Variants in CDH11 observed in about 807,000 individuals in gnomAD.
CDH11 encodes cadherin-11.
Under a neutral mutation model 67.8 loss-of-function variants are expected in CDH11, and 11 were observed. The ratio of observed to expected loss-of-function variants is 0.16; its 90% CI spans 0.10 to 0.27. The LOEUF (loss-of-function observed/expected upper bound fraction) is 0.27, where lower values mean the gene tolerates loss of function less well. Among genes scored for constraint, CDH11 ranks in the 10% least tolerant of loss-of-function variants. CDH11 has a pLI of 1.00. For missense variants in CDH11, 847 were observed against 1,031.2 expected (o/e 0.82, Z 2.45); for synonymous variants, 419 against 400.0 (o/e 1.05, Z -0.57).
chr16:65,085,079 T>A (rs1257017568), intron 1 of CDH11, among the ~76,000 whole-genome samples: 2 of 152,116 alleles, frequency 1.3e-5, no homozygotes, highest in Admixed American at 1.3e-4. Context: ...CTGGCTAATT[T>A]TTTGTAATTT....
rs183723641 is a variant in CDH11 at position 65,018,421 on chromosome 16, A to T, written c.-172-13380T>A. 2.2e-3 allele frequency among the ~76,000 whole-genome samples: 340 copies of T among 152,030 alleles called. 1 individual carries two copies. In the Middle Eastern group the frequency reaches 0.037, roughly 17 times the overall value. ...TTTTGTCTGGTTACAAAAAAATTTTAAAAAAAACAGACTCTCACTGCACTT... is the reference window on the plus strand; with the variant it reads ...TTTTGTCTGGTTACAAAAAAATTTTTAAAAAAACAGACTCTCACTGCACTT... On this transcript the variant is annotated intron_variant, in intron 2 of 12. Transcript: ENST00000268603.
At chr16:65,008,416 G>A (rs188903504) in intron 2 of CDH11, among the ~76,000 whole-genome samples, 9 of 152,236 alleles carry the variant, frequency 5.9e-5, no homozygotes, top group East Asian at 1.9e-4. Context: ...TCTTAGGTAT[G>A]TATAAGACTG....
intron 3 of CDH11, among the ~76,000 whole-genome samples, chr16:64,999,737 G>T (rs1003083081): frequency 6.6e-6 from 1 of 152,076 alleles, no homozygotes; most frequent in South Asian, 2.1e-4. Flanking sequence ...GTTTTACCAT[G>T]TTTCCCAGGC....
intron 1 of CDH11, among the ~76,000 whole-genome samples, chr16:65,113,879 T>C (rs187274958): frequency 9.9e-5 from 15 of 152,244 alleles, no homozygotes; most frequent in Non-Finnish European, 2.2e-4. Context: ...ATGAGGGCAT[T>C]GTGAGTAAAT....
intron 8 of CDH11, among the ~76,000 whole-genome samples, chr16:64,973,905 C>T (rs2072083580): frequency 1.3e-5 from 2 of 152,086 alleles, no homozygotes; most frequent in East Asian, 1.9e-4. Flanking sequence ...GCTCTGAGTT[C>T]CAGCGTGTAA....
intron 1 of CDH11, among the ~76,000 whole-genome samples, chr16:65,103,467 T>C (rs1021188223): frequency 6.6e-6 from 1 of 152,176 alleles, no homozygotes; most frequent in Non-Finnish European, 1.5e-5. Context: ...ATAAAATATG[T>C]TAAATCTGAA....
chr16:65,052,183 A>G (rs940624765), intron 2 of CDH11, among the ~76,000 whole-genome samples: 1 of 152,096 alleles, frequency 6.6e-6, no homozygotes, highest in African/African-American at 2.4e-5. Context: ...TTGCTTAGTA[A>G]GTACTTACTA....
At chr16:64,967,022 G>A (rs1006629909) in intron 11 of CDH11, among the ~76,000 whole-genome samples, 1 of 151,920 alleles carries the variant, frequency 6.6e-6, no homozygotes, top group Non-Finnish European at 1.5e-5. Context: ...GAAAGTAACT[G>A]GAACTTAAAA....
chr16:65,113,963 T>C (rs1296131720), intron 1 of CDH11, among the ~76,000 whole-genome samples: 4 of 152,170 alleles, frequency 2.6e-5, no homozygotes, highest in African/African-American at 9.7e-5. Context: ...AGGTTTTAAC[T>C]ATTATCAAAT....
At chr16:65,102,746 T>A (rs76872422) in intron 1 of CDH11, among the ~76,000 whole-genome samples, 1,744 of 152,256 alleles carry the variant, frequency 0.011, 36 homozygotes, top group African/African-American at 0.038. Flanking sequence ...CTGAAAGTCA[T>A]GATTATCCCT....
At chr16:64,988,554 A>G (rs577724877) in intron 6 of CDH11, among the ~76,000 whole-genome samples, 2 of 152,300 alleles carry the variant, frequency 1.3e-5, no homozygotes, top group South Asian at 2.1e-4. Context: ...TGATAAAACA[A>G]TATCTGGGTC....
chr16:64,981,392 C>A (rs1858362229), intron 8 of CDH11: 1 of 148,934 alleles, frequency 6.7e-6, no homozygotes, highest in African/African-American at 2.5e-5. Context: ...CAGATGTGAG[C>A]CACGGTGCCC....
chr16:65,078,425 A>G (rs901795305), intron 1 of CDH11, among the ~76,000 whole-genome samples: 1 of 152,176 alleles, frequency 6.6e-6, no homozygotes, highest in Non-Finnish European at 1.5e-5. Context: ...AAGCTTTAGA[A>G]TTAGCATCAG....
intron 1 of CDH11, among the ~76,000 whole-genome samples, chr16:65,059,000 T>A (rs1427845334): frequency 6.6e-6 from 1 of 152,242 alleles, no homozygotes; most frequent in African/African-American, 2.4e-5. Flanking sequence ...CTTTAATAGA[T>A]GTGTATTTAT....
chr16:64,953,724 A>G (rs1350514483), intron 11 of CDH11, among the ~76,000 whole-genome samples: 1 of 152,210 alleles, frequency 6.6e-6, no homozygotes, highest in East Asian at 1.9e-4. Context: ...ATATGTTTTC[A>G]TAGTTAAATT....
At chr16:64,956,343 GTTC>G (rs140987345) in intron 11 of CDH11, among the ~76,000 whole-genome samples, 9,361 of 152,242 alleles carry the variant, frequency 0.061, 677 homozygotes, top group African/African-American at 0.18. Flanking sequence ...TTTTCTGGAA[GTTC>G]TTCTCTTTGA....
At chr16:64,971,743 C>T (rs756673090) in intron 10 of CDH11, 47 bp from the exon 11 acceptor site, 1 of 1,450,746 alleles carries the variant, frequency 6.9e-7, no homozygotes, top group Admixed American at 1.8e-5. Context: ...GACATTGGCA[C>T]ATCATTTATT....
chr16:64,981,951 T>C (rs2072361261), intron 8 of CDH11, 97 bp downstream of exon 8: 2 of 1,113,698 alleles, frequency 1.8e-6, no homozygotes, highest in Non-Finnish European at 2.6e-6. Context: ...ACTTGAACCC[T>C]TTTTGAAATT....
intron 1 of CDH11, among the ~76,000 whole-genome samples, chr16:65,117,259 T>A (rs2075259056): frequency 6.6e-6 from 1 of 152,180 alleles, no homozygotes; most frequent in Non-Finnish European, 1.5e-5. Context: ...CATTGCTGAA[T>A]CACCAGGGAG....
Sources: gnomAD v4.1 joint callset for allele counts (sites outside exome capture counted in the v4.1 genomes callset) on GRCh38, gnomAD v4.1.1 for gene constraint, MANE v1.5 for transcripts, NCBI Gene and HGNC (gene_info 2026-07-23, HGNC 2026-07-21) for gene names.